Variants in BTBD9 observed in about 807,000 individuals in gnomAD.
BTBD9 encodes BTB/POZ domain-containing protein 9.
BTBD9 carries 49 observed loss-of-function variants against 64.3 expected under a neutral mutation model. That is an observed-to-expected ratio of 0.76 (90% CI 0.61 to 0.97). The LOEUF is 0.97. BTBD9 is among the 50% of genes least tolerant of loss of function. BTBD9 has a pLI of 0.00. For synonymous variants in BTBD9, 260 were observed against 274.7 expected, an observed-to-expected ratio of 0.95 and a Z score of 0.53; for missense variants, 598 against 762.1, an observed-to-expected ratio of 0.78 and a Z score of 2.53.
chr6:38,275,691 T>C (rs374299168), intron 8 of BTBD9, among the ~76,000 whole-genome samples: 1 of 152,296 alleles, frequency 6.6e-6, no homozygotes, highest in South Asian at 2.1e-4. Context: ...GGGCGAAGGA[T>C]ATGAACAGAC....
intron 7 of BTBD9, among the ~76,000 whole-genome samples, chr6:38,342,771 C>T (rs1260403412): frequency 1.3e-5 from 2 of 152,110 alleles, no homozygotes; most frequent in Admixed American, 6.5e-5. Context: ...TGTCAAGGAC[C>T]AGTAGGGTGA....
chr6:38,495,179 A>G (rs1460164057), intron 6 of BTBD9, among the ~76,000 whole-genome samples: 1 of 152,234 alleles, frequency 6.6e-6, no homozygotes, highest in Non-Finnish European at 1.5e-5. Context: ...ACCGCTACAG[A>G]TCAAAACAGG....
rs1775731282 is a variant in BTBD9, at chr6:38,570,831, T to C, written c.1154+6769A>G. ...CTCCACATCAGCAGAAAGACTTAAA[T>C]AGTACAAATAGTTTCACATGTTATT... On this transcript the variant is annotated intron_variant, in intron 6 of 10. Coordinates refer to ENST00000481247, the MANE Select transcript of BTBD9 (RefSeq NM_001099272.2). 2.0e-5 allele frequency among the ~76,000 whole-genome samples: 3 copies of C among 152,182 alleles called. No individual in the cohort carries two copies. In the South Asian group the frequency reaches 6.2e-4, roughly 31 times the overall value.
intron 9 of BTBD9, among the ~76,000 whole-genome samples, chr6:38,233,669 C>A (rs1931760): frequency 0.11 from 17,014 of 152,202 alleles, 1,045 homozygotes; most frequent in Non-Finnish European, 0.14. Flanking sequence ...AATAGCCCTG[C>A]TACCAAATGA....
At chr6:38,518,729 C>G (rs1011368952) in intron 6 of BTBD9, among the ~76,000 whole-genome samples, 1 of 152,192 alleles carries the variant, frequency 6.6e-6, no homozygotes. Context: ...CTTTGAGTCA[C>G]AGTTTCCTCT....
chr6:38,221,995 AAAAAAAT>A (rs984457269), intron 9 of BTBD9, among the ~76,000 whole-genome samples: 7 of 152,112 alleles, frequency 4.6e-5, no homozygotes, highest in Admixed American at 1.3e-4. Flanking sequence ...GTCTCGAAGA[AAAAAAAT>A]AAAAAATAAA....
intron 8 of BTBD9, among the ~76,000 whole-genome samples, chr6:38,258,854 C>T (rs1346014947): frequency 6.6e-6 from 1 of 152,192 alleles, no homozygotes; most frequent in Non-Finnish European, 1.5e-5. Context: ...CATACCACTG[C>T]ACTCTGGCCC....
chr6:38,464,418 T>G (rs943318589), intron 6 of BTBD9, among the ~76,000 whole-genome samples: 1 of 152,162 alleles, frequency 6.6e-6, no homozygotes, highest in Non-Finnish European at 1.5e-5. Context: ...TTGTCCTTTT[T>G]ATGGATTGCT....
intron 6 of BTBD9, among the ~76,000 whole-genome samples, chr6:38,360,286 T>G (rs1471914685): frequency 6.6e-6 from 1 of 152,186 alleles, no homozygotes; most frequent in African/African-American, 2.4e-5. Flanking sequence ...ACCAAGAACA[T>G]ACTAAGTGCT....
chr6:38,261,170 T>C (rs1316048212), intron 8 of BTBD9, among the ~76,000 whole-genome samples: 1 of 152,004 alleles, frequency 6.6e-6, no homozygotes, highest in African/African-American at 2.4e-5. Flanking sequence ...AAGCAATCCC[T>C]CCACCTCAGC....
chr6:38,296,098 T>A (rs546165139), intron 7 of BTBD9, among the ~76,000 whole-genome samples: 1 of 152,226 alleles, frequency 6.6e-6, no homozygotes, highest in Admixed American at 6.5e-5. Flanking sequence ...TTTCACTGGT[T>A]GATTTGACTA....
At chr6:38,553,796 T>C (rs1009302791) in intron 6 of BTBD9, among the ~76,000 whole-genome samples, 2 of 151,760 alleles carry the variant, frequency 1.3e-5, no homozygotes, top group African/African-American at 4.8e-5. Flanking sequence ...AAGGCTGCAG[T>C]GAGCTATGAC....
chr6:38,475,632 G>T (rs1770844818), intron 6 of BTBD9, among the ~76,000 whole-genome samples: 1 of 152,138 alleles, frequency 6.6e-6, no homozygotes, highest in Non-Finnish European at 1.5e-5. Flanking sequence ...TCCTATACAG[G>T]AATGTAATAT....
chr6:38,427,099 T>C (rs1768197957), intron 6 of BTBD9, among the ~76,000 whole-genome samples: 1 of 150,954 alleles, frequency 6.6e-6, no homozygotes, highest in African/African-American at 2.5e-5. Context: ...CCTGGACAAA[T>C]AACCAAGAAA....
At chr6:38,468,886 T>G (rs1191261191) in intron 6 of BTBD9, among the ~76,000 whole-genome samples, 1 of 152,198 alleles carries the variant, frequency 6.6e-6, no homozygotes, top group Non-Finnish European at 1.5e-5. Flanking sequence ...TGAGCAAAGC[T>G]TCTCTCAGCC....
At chr6:38,580,021 TAAG>T (rs944979311) in intron 5 of BTBD9, among the ~76,000 whole-genome samples, 194 bp downstream of exon 5, 1 of 152,200 alleles carries the variant, frequency 6.6e-6, no homozygotes, top group Non-Finnish European at 1.5e-5. Flanking sequence ...CATATTTTTA[TAAG>T]AAGAAACAAA....
chr6:38,185,859 C>G (rs1039827669), intron 10 of BTBD9, among the ~76,000 whole-genome samples: 3 of 152,154 alleles, frequency 2.0e-5, no homozygotes, highest in African/African-American at 7.2e-5. Context: ...CTTCAACACG[C>G]TGTTATGTTC....
At chr6:38,214,307 C>A (rs1453781627) in intron 9 of BTBD9, among the ~76,000 whole-genome samples, 3 of 152,250 alleles carry the variant, frequency 2.0e-5, no homozygotes, top group Non-Finnish European at 4.4e-5. Context: ...TCAGCGCCCT[C>A]AGCCAGGCTG....
chr6:38,280,972 AT>A (rs1761490332), intron 8 of BTBD9, among the ~76,000 whole-genome samples: 1 of 152,246 alleles, frequency 6.6e-6, no homozygotes, highest in Admixed American at 6.5e-5. Context: ...ACTCAAGCTC[AT>A]CACAACATTA....
Sources: gnomAD v4.1 joint callset for allele counts (sites outside exome capture counted in the v4.1 genomes callset) on GRCh38, gnomAD v4.1.1 for gene constraint, MANE v1.5 for transcripts, NCBI Gene and HGNC (gene_info 2026-07-23, HGNC 2026-07-21) for gene names.